MYO5B: variants seen among roughly 807,000 people sequenced by gnomAD.
MYO5B encodes myosin VB.
Under a neutral mutation model 229.3 loss-of-function variants are expected in MYO5B, and 143 were observed. The ratio of observed to expected loss-of-function variants is 0.62; its 90% CI spans 0.54 to 0.72. The LOEUF is 0.72. Ranked by LOEUF, MYO5B falls within the 30% of genes least tolerant of loss-of-function variation. MYO5B has a pLI of 0.00. For missense variants in MYO5B, 2,321 were observed against 2,331.0 expected (o/e 1.00, Z 0.09); for synonymous variants, 918 against 885.2 (o/e 1.04, Z -0.66).
At chr18:49,891,045 T>C (rs116171464) in intron 22 of MYO5B, among the ~76,000 whole-genome samples, 4 of 152,158 alleles carry the variant, frequency 2.6e-5, no homozygotes, top group East Asian at 1.9e-4. Flanking sequence ...GGAGGTTTCA[T>C]GGGTCAAGGC....
chr18:50,152,512 G>C (rs565388605), intron 1 of MYO5B, among the ~76,000 whole-genome samples: 26 of 152,246 alleles, frequency 1.7e-4, no homozygotes, highest in Non-Finnish European at 3.4e-4. Flanking sequence ...CAAAACCTCT[G>C]AGAATGGGTA....
chr18:50,097,393 T>C (rs996566360), intron 1 of MYO5B: 14 of 407,386 alleles, frequency 3.4e-5, no homozygotes, highest in African/African-American at 2.3e-4. Flanking sequence ...CCATCAAAAG[T>C]CCTCAATAAA....
intron 38 of MYO5B, 60 bp downstream of exon 38, chr18:49,836,651 T>C: frequency 6.3e-7 from 1 of 1,592,068 alleles, no homozygotes; most frequent in Non-Finnish European, 8.6e-7. Context: ...AGAACAGACT[T>C]GGAATGGACT....
intron 1 of MYO5B, among the ~76,000 whole-genome samples, chr18:50,104,137 A>G (rs2031707571): frequency 6.7e-6 from 1 of 148,642 alleles, no homozygotes. Context: ...ACTGCACTCC[A>G]GCCTGGGCAA....
chr18:50,004,513 A>G (rs1010818133), intron 4 of MYO5B, among the ~76,000 whole-genome samples: 2 of 152,258 alleles, frequency 1.3e-5, no homozygotes, highest in African/African-American at 4.8e-5. Flanking sequence ...AACAAGCACC[A>G]TTCAACAGCT....
chr18:49,903,837 G>T (rs1022085272), intron 20 of MYO5B, among the ~76,000 whole-genome samples: 5 of 152,242 alleles, frequency 3.3e-5, no homozygotes, highest in African/African-American at 1.2e-4. Flanking sequence ...AAGGGTTTTG[G>T]CTTCACTGGA....
intron 1 of MYO5B, among the ~76,000 whole-genome samples, chr18:50,065,347 T>C (rs1369993429): frequency 6.6e-6 from 1 of 152,134 alleles, no homozygotes; most frequent in Non-Finnish European, 1.5e-5. Flanking sequence ...TATAAAGAAA[T>C]ACCAGAGCCT....
At chr18:50,010,154 A>T (rs2026146529) in intron 4 of MYO5B, among the ~76,000 whole-genome samples, 1 of 152,236 alleles carries the variant, frequency 6.6e-6, no homozygotes, top group Non-Finnish European at 1.5e-5. Flanking sequence ...GAACCTTCTG[A>T]TAGTGTAAGA....
intron 31 of MYO5B, among the ~76,000 whole-genome samples, chr18:49,853,194 T>G (rs1170807414): frequency 6.6e-6 from 1 of 152,164 alleles, no homozygotes; most frequent in East Asian, 1.9e-4. Context: ...GTAAAGCAGC[T>G]CAGACCAGTG....
chr18:50,159,398 T>C (rs1398013391), intron 1 of MYO5B, among the ~76,000 whole-genome samples: 3 of 152,116 alleles, frequency 2.0e-5, no homozygotes, highest in African/African-American at 7.2e-5. Context: ...CTTTCACATG[T>C]TTATTACCTT....
intron 1 of MYO5B, among the ~76,000 whole-genome samples, chr18:50,123,822 C>T (rs796725666): frequency 6.6e-6 from 1 of 152,206 alleles, no homozygotes. Context: ...GCCTGCTACA[C>T]GTAAAACACC....
chr18:50,017,172 C>T (rs1024289852), intron 4 of MYO5B, among the ~76,000 whole-genome samples: 1 of 152,166 alleles, frequency 6.6e-6, no homozygotes, highest in Admixed American at 6.5e-5. Flanking sequence ...GACTGGAGTG[C>T]AGCGGCATGA....
chr18:49,835,174 G>T (rs2023972769), intron 39 of MYO5B, among the ~76,000 whole-genome samples, 170 bp downstream of exon 39: 1 of 152,162 alleles, frequency 6.6e-6, no homozygotes. Flanking sequence ...AGTTACTCAT[G>T]GGTGATACGG....
intron 4 of MYO5B, among the ~76,000 whole-genome samples, chr18:50,019,519 T>G (rs1339470713): frequency 1.3e-5 from 2 of 152,228 alleles, no homozygotes; most frequent in African/African-American, 2.4e-5. Flanking sequence ...GCTAGCTATT[T>G]CTTTGAAAAA....
chr18:49,933,125 G>A (rs1049427107), intron 16 of MYO5B, among the ~76,000 whole-genome samples: 3 of 152,090 alleles, frequency 2.0e-5, no homozygotes, highest in Admixed American at 6.5e-5. Context: ...ATTTCTCCAT[G>A]GGCTGCAAGC....
chr18:50,169,567 A>T (rs922059155), intron 1 of MYO5B, among the ~76,000 whole-genome samples: 1 of 127,380 alleles, frequency 7.9e-6, no homozygotes, highest in African/African-American at 3.0e-5. Flanking sequence ...TAATCTACAC[A>T]AACTGTCCAG....
intron 17 of MYO5B, among the ~76,000 whole-genome samples, chr18:49,918,977 C>T (rs571874136): frequency 3.9e-5 from 6 of 152,146 alleles, no homozygotes; most frequent in African/African-American, 7.2e-5. Flanking sequence ...TGTGGACATG[C>T]GGTATGGTGG....
At chr18:50,081,974 A>C in intron 1 of MYO5B, among the ~76,000 whole-genome samples, 1 of 152,364 alleles carries the variant, frequency 6.6e-6, no homozygotes. Flanking sequence ...GTTTAACAAA[A>C]TTCTTTTCTA....
intron 27 of MYO5B, among the ~76,000 whole-genome samples, chr18:49,867,344 G>T (rs1231905951): frequency 6.6e-6 from 1 of 152,170 alleles, no homozygotes; most frequent in East Asian, 1.9e-4. Flanking sequence ...GGGGTTTCAG[G>T]GTTCAGATGT....
Sources: allele counts gnomAD v4.1 joint callset (sites outside exome capture counted in the v4.1 genomes callset), GRCh38; gene constraint gnomAD v4.1.1; transcripts MANE v1.5; gene names NCBI Gene and HGNC (gene_info 2026-07-23, HGNC 2026-07-21).